Variants in MEGF6 observed in about 807,000 individuals in gnomAD.
MEGF6 encodes multiple epidermal growth factor-like domains protein 6.
In MEGF6, 184 loss-of-function variants were observed where a neutral mutation model predicts 207.1. That is an observed-to-expected ratio of 0.89 (90% CI 0.79 to 1.00). The LOEUF is 1.00. Among genes scored for constraint, MEGF6 ranks in the 50% least tolerant of loss-of-function variants. The pLI is 0.00. For synonymous variants in MEGF6, 1,038 were observed against 910.0 expected, an observed-to-expected ratio of 1.14 and a Z score of -2.53; for missense variants, 2,282 against 2,202.9, an observed-to-expected ratio of 1.04 and a Z score of -0.72.
At chr1:3,609,496 G>A (rs1450276860) in intron 1 of MEGF6, among the ~76,000 whole-genome samples, 2 of 152,206 alleles carry the variant, frequency 1.3e-5, no homozygotes, top group Admixed American at 6.5e-5. Flanking sequence ...CAGTGGATAC[G>A]CCTGCAGCCA....
chr1:3,590,615 C>T (rs1166235869), intron 3 of MEGF6, among the ~76,000 whole-genome samples: 1 of 152,244 alleles, frequency 6.6e-6, no homozygotes, highest in Admixed American at 6.5e-5. Context: ...GCAGGGCTCC[C>T]AGGCCCTGAC....
chr1:3,595,339 C>A lies in MEGF6; in HGVS notation c.375G>T (p.Ser125=), dbSNP rs1268056254. ...MQQPDEEGCL[S]AECSASLCFH... Reference sequence around the variant, plus strand: ...CGGGGAGGCGCAGGCGGCACTCACCCGAGAGGCAGCCCTCCTCGTCGGGCT... The same window carrying A: ...CGGGGAGGCGCAGGCGGCACTCACCAGAGAGGCAGCCCTCCTCGTCGGGCT... The change falls in exon 3 of 37, where the codon TCG becomes TCT. Residue 125 remains serine (S), a splice_region_variant and synonymous_variant. Coordinates refer to ENST00000356575, the MANE Select transcript of MEGF6 (RefSeq NM_001409.4). 3 of 1,610,698 alleles carry A rather than the reference C, an allele frequency of 1.9e-6. No individual in the cohort carries two copies. The highest frequency in any genetic ancestry group is 3.3e-5 in the Admixed American group (2 of 59,980).
chr1:3,523,607 G>A (rs1285076090), intron 5 of MEGF6, among the ~76,000 whole-genome samples: 3 of 152,262 alleles, frequency 2.0e-5, no homozygotes, highest in Admixed American at 2.0e-4. Context: ...GGATCACCTG[G>A]GCCCACAAAG....
At chr1:3,548,556 C>T (rs2101572966) in intron 4 of MEGF6, among the ~76,000 whole-genome samples, 1 of 152,362 alleles carries the variant, frequency 6.6e-6, no homozygotes, top group African/African-American at 2.4e-5. Context: ...TCTGCCTGGC[C>T]CCGACAGACT....
chr1:3,505,287 C>T lies in MEGF6; in HGVS notation c.2109G>A (p.Val703=), dbSNP rs1443285892. The T allele has an allele frequency of 1.2e-6, 2 of 1,612,418 alleles. No homozygotes were observed. Among genetic ancestry groups the T allele is most frequent in the South Asian group, 1.1e-5 (1 of 91,080 alleles). ...PGCWQACTCP[V]GVACDSVSGE... ...CGCTCACGGAGTCACAGGCCACGCC[C>T]ACTGGGCAGGTGCATGCCTGCCAGC... Residue 703 remains valine, a synonymous_variant, in exon 17 of 37, where the codon GTG becomes GTA. Transcript: ENST00000356575.
At chr1:3,502,051 G>GAGTGTGCCCCCCCCC in intron 17 of MEGF6, 130 bp from the exon 18 acceptor site, 1 of 24,102 alleles carries the variant, frequency 4.1e-5, no homozygotes, top group Non-Finnish European at 6.9e-5. Flanking sequence ...GTGCCCCCCC[G>GAGTGTGCCCCCCCCC]GCGCCTCCTC....
chr1:3,564,323 T>A (rs1488737035), intron 4 of MEGF6, among the ~76,000 whole-genome samples: 4 of 151,810 alleles, frequency 2.6e-5, no homozygotes, highest in African/African-American at 9.7e-5. Flanking sequence ...GTTAACCTCA[T>A]CTTGTAACTG....
rs1390398374 is a variant in MEGF6 at position 3,611,200 on chromosome 1, G to A, written c.69C>T (p.Leu23=). ...CGCTGGCGCCCACGGGCACGGCGGG[G>A]AGCAGCAGCAGCACCAACGCCAGGA... ...AVVLALVLLL[L]PAVPVGASVP... is the part of the protein sequence containing the mutation. The change falls in exon 1 of 37, where the codon CTC becomes CTT. Residue 23 remains leucine (L), a synonymous_variant. Transcript: ENST00000356575. 3.2e-6 allele frequency: 5 copies of A among 1,557,618 alleles called. No homozygotes were observed. The highest frequency in any genetic ancestry group is 4.3e-6 in the Non-Finnish European group (5 of 1,162,202).
chr1:3,497,624 G>A, intron 26 of MEGF6: 1 of 655,134 alleles, frequency 1.5e-6, no homozygotes, highest in Non-Finnish European at 2.8e-6. Context: ...GGCACAGGCT[G>A]CAGGGACGAG....
intron 3 of MEGF6, among the ~76,000 whole-genome samples, chr1:3,586,310 C>T (rs1001011476): frequency 2.6e-5 from 4 of 152,326 alleles, no homozygotes; most frequent in African/African-American, 7.2e-5. Flanking sequence ...ATGCATGTGG[C>T]GTGTGGCCTT....
chr1:3,530,937 C>T lies in MEGF6; in HGVS notation c.482-6691G>A, dbSNP rs1028536302. On this transcript the variant is annotated intron_variant, in intron 4 of 36. Transcript: ENST00000356575. ...ACGGACCCTGTCCCAGAAGCAGGCG[C>T]GCCTGCCGGGCACTGCCCCGCCCTG... is the stretch of plus-strand genomic sequence containing the variant. 6.8e-6 allele frequency: 8 copies of T among 1,168,496 alleles called. No individual in the cohort carries two copies. In the South Asian group the frequency reaches 1.5e-4, roughly 22 times the overall value. The allele number at this position is 1,168,496 out of a possible 1,614,324, so 72.4% of individuals were successfully genotyped here. A position where few individuals can be genotyped will look rare whatever the true frequency, so the allele number is the denominator to read the frequency against.
At chr1:3,620,581 G>C in the MEGF6 span, among the ~76,000 whole-genome samples, 1 of 152,254 alleles carries the variant, frequency 6.6e-6, no homozygotes, top group Non-Finnish European at 1.5e-5. Context: ...GAGAACCTCT[G>C]CTAGGGCAAT....
Position 3,501,951 on chromosome 1 carries a change from C to T in MEGF6, c.2189-30G>A, listed in dbSNP as rs371414184. 228 of 1,435,176 alleles carry T rather than the reference C, an allele frequency of 1.6e-4. 1 individual carries two copies. The highest frequency in any genetic ancestry group is 1.5e-3 in the Admixed American group (71 of 47,274). The allele number at this position is 1,435,176 out of a possible 1,614,324, so 88.9% of individuals were successfully genotyped here. ...AGGAGAAAGCACGAGGGGCCTTAGC[C>T]GCACCACGTGGAGTGGACTGACCAG... On this transcript the variant is annotated intron_variant, in intron 17 of 36. Transcript: ENST00000356575.
chr1:3,496,539 G>T, intron 29 of MEGF6, 116 bp downstream of exon 29: 1 of 1,456,634 alleles, frequency 6.9e-7, no homozygotes, highest in Non-Finnish European at 9.3e-7. Context: ...GGCCCAGCCA[G>T]AGGGGGCTGA....
In MEGF6 at chr1:3,511,693, G is replaced by A. The variant is rs374046731; in HGVS notation, c.977-6C>T. 185 of 1,601,202 alleles carry A rather than the reference G, an allele frequency of 1.2e-4. No homozygotes were observed. Among genetic ancestry groups the A allele is most frequent in the South Asian group, 3.3e-4 (30 of 90,554 alleles). ...CACGATTTCCATCTCAATCCCTGCCGTGAGACCAGCCACCCAGGGTATGGG... is the reference window on the plus strand; with the variant it reads ...CACGATTTCCATCTCAATCCCTGCCATGAGACCAGCCACCCAGGGTATGGG... On this transcript the variant is annotated splice_polypyrimidine_tract_variant and splice_region_variant and intron_variant, in intron 8 of 36. Coordinates refer to ENST00000356575, the MANE Select transcript of MEGF6 (RefSeq NM_001409.4).
chr1:3,506,870 A>T (rs556277889), intron 14 of MEGF6, among the ~76,000 whole-genome samples: 30 of 152,326 alleles, frequency 2.0e-4, no homozygotes, highest in Non-Finnish European at 3.2e-4. Context: ...GAATCCAAAG[A>T]CAAACATCCT....
chr1:3,564,105 AGAG>A (rs1643279969), intron 4 of MEGF6, among the ~76,000 whole-genome samples: 1 of 149,862 alleles, frequency 6.7e-6, no homozygotes, highest in African/African-American at 2.4e-5. Flanking sequence ...TGACAACAGC[AGAG>A]GAGGCAGCCC....
intron 4 of MEGF6, among the ~76,000 whole-genome samples, chr1:3,543,903 C>T (rs959559009): frequency 3.3e-5 from 5 of 152,194 alleles, no homozygotes; most frequent in Admixed American, 1.3e-4. Flanking sequence ...CGTGCCTGGA[C>T]GCCCAGCCCG....
intron 1 of MEGF6, among the ~76,000 whole-genome samples, chr1:3,602,858 CTAAGACCT>C (rs1644182845): frequency 6.6e-6 from 1 of 152,188 alleles, no homozygotes; most frequent in African/African-American, 2.4e-5. Flanking sequence ...TCCTAGTGCC[CTAAGACCT>C]TGCAACACAG....
Sources: allele counts gnomAD v4.1 joint callset (sites outside exome capture counted in the v4.1 genomes callset), GRCh38; gene constraint gnomAD v4.1.1; transcripts MANE v1.5; gene names NCBI Gene and HGNC (gene_info 2026-07-23, HGNC 2026-07-21).